GLDC: variants seen among roughly 807,000 people sequenced by gnomAD.
GLDC encodes the protein glycine dehydrogenase (decarboxylating), mitochondrial.
GLDC carries 104 observed loss-of-function variants against 121.3 expected under a neutral mutation model. The ratio of observed to expected loss-of-function variants is 0.86; its 90% CI spans 0.73 to 1.01. GLDC has a LOEUF of 1.01. Ranked by LOEUF, GLDC falls within the 50% of genes least tolerant of loss-of-function variation. The pLI is 0.00. For missense variants in GLDC, 1,429 were observed against 1,306.6 expected, an observed-to-expected ratio of 1.09 and a Z score of -1.44; for synonymous variants, 546 against 480.6, an observed-to-expected ratio of 1.14 and a Z score of -1.78.
intron 1 of GLDC, 179 bp from the exon 2 acceptor site, chr9:6,644,871 T>A: frequency 1.5e-6 from 1 of 649,152 alleles, no homozygotes; most frequent in South Asian, 1.8e-5. Flanking sequence ...AATCGTGAAG[T>A]GGGGTGGAGA....
chr9:6,554,895 G>C, intron 18 of GLDC, 114 bp from the exon 19 acceptor site: 1 of 771,676 alleles, frequency 1.3e-6, no homozygotes, highest in Admixed American at 2.0e-5. Flanking sequence ...AGCAGGCAGA[G>C]CCACATCCAT....
intron 22 of GLDC, among the ~76,000 whole-genome samples, chr9:6,536,567 T>C (rs1817134105): frequency 6.6e-6 from 1 of 152,168 alleles, no homozygotes; most frequent in Non-Finnish European, 1.5e-5. Context: ...TGATATCCCA[T>C]TTCTATATAT....
intron 3 of GLDC, among the ~76,000 whole-genome samples, chr9:6,611,332 C>G (rs761422079): frequency 3.6e-4 from 55 of 152,262 alleles, no homozygotes; most frequent in Non-Finnish European, 6.3e-4. Flanking sequence ...TCAAGGCGGG[C>G]GGATCACGAG....
At chr9:6,564,417 G>C (rs1433872609) in intron 16 of GLDC, among the ~76,000 whole-genome samples, 1 of 152,084 alleles carries the variant, frequency 6.6e-6, no homozygotes, top group South Asian at 2.1e-4. Context: ...CAAATTCCAG[G>C]CAACTAGCCA....
intron 2 of GLDC, among the ~76,000 whole-genome samples, chr9:6,621,197 A>G (rs1819085834): frequency 6.6e-6 from 1 of 151,926 alleles, no homozygotes; most frequent in Admixed American, 6.6e-5. Flanking sequence ...AAAAAAACAC[A>G]CCCTTATGCA....
intron 15 of GLDC, among the ~76,000 whole-genome samples, chr9:6,570,904 T>C (rs1002595172): frequency 6.6e-6 from 1 of 150,388 alleles, no homozygotes; most frequent in African/African-American, 2.4e-5. Flanking sequence ...AAAAAAAATA[T>C]TTTATTACAT....
At chr9:6,602,467 T>C (rs1818635955) in intron 7 of GLDC, among the ~76,000 whole-genome samples, 1 of 151,830 alleles carries the variant, frequency 6.6e-6, no homozygotes, top group South Asian at 2.1e-4. Flanking sequence ...ACCTCTGCCT[T>C]CTGGTTTCAA....
intron 2 of GLDC, among the ~76,000 whole-genome samples, chr9:6,621,600 C>T (rs149453350): frequency 0.014 from 2,165 of 152,294 alleles, 56 homozygotes; most frequent in African/African-American, 0.048. Context: ...TCACTGCAAC[C>T]TCCACCTCCC....
chr9:6,627,674 A>G lies in GLDC; in HGVS notation c.335-7355T>C, dbSNP rs537234258. Among the ~76,000 whole-genome samples the G allele has an allele frequency of 5.3e-5, 8 of 152,322 alleles. No individual in the cohort carries two copies. The East Asian group carries it at 1.4e-3, about 26-fold the overall frequency. On this transcript the variant is annotated intron_variant, in intron 2 of 24. Transcript: ENST00000321612. Reference sequence around the variant, plus strand: ...CTTTCCATTCACTCATCCATTGCCCAACACTACAAAACTTCCCAACAAAAA... The same window carrying G: ...CTTTCCATTCACTCATCCATTGCCCGACACTACAAAACTTCCCAACAAAAA...
At chr9:6,533,620 A>AG (rs1449011080) in intron 24 of GLDC, among the ~76,000 whole-genome samples, 5 of 152,104 alleles carry the variant, frequency 3.3e-5, no homozygotes, top group African/African-American at 1.2e-4. Context: ...GAACTTTGGG[A>AG]GGCCAAGGCA....
At chr9:6,605,586 TAAC>T (rs1259338651) in intron 5 of GLDC, among the ~76,000 whole-genome samples, 2 of 152,180 alleles carry the variant, frequency 1.3e-5, no homozygotes, top group Non-Finnish European at 2.9e-5. Flanking sequence ...CAATATTTGT[TAAC>T]AACAGAGCCA....
In GLDC at chr9:6,645,266, C is replaced by G. The variant is rs1282813808; in HGVS notation, c.234G>C (p.Met78Ile). 1.1e-5 allele frequency: 18 copies of G among 1,601,932 alleles called. No homozygotes were observed. Among genetic ancestry groups the G allele is most frequent in the Non-Finnish European group, 1.5e-5 (18 of 1,174,318 alleles). Residue 78 changes from methionine (M) to isoleucine (I), a missense_variant, in exon 1 of 25, where the codon ATG becomes ATC. Met to Ile is a conservative substitution (Grantham distance 10). Coordinates refer to ENST00000321612, the MANE Select transcript of GLDC (RefSeq NM_000170.3). ...IGPGDKDQRE[M>I]LQTLGLASID... is the part of the protein sequence containing the mutation. ...TTACCGCCAGCCCCAAGGTCTGCAGCATCTCTCTCTGGTCTTTGTCCCCAG... is the reference window on the plus strand; with the variant it reads ...TTACCGCCAGCCCCAAGGTCTGCAGGATCTCTCTCTGGTCTTTGTCCCCAG...
At chr9:6,609,059 T>C (rs529761395) in intron 4 of GLDC, among the ~76,000 whole-genome samples, 2 of 152,256 alleles carry the variant, frequency 1.3e-5, no homozygotes, top group Admixed American at 6.5e-5. Flanking sequence ...TACATGGGCA[T>C]TCAGGGCTAG....
chr9:6,587,029 C>G (rs1587946100), intron 15 of GLDC, 112 bp downstream of exon 15: 2 of 872,954 alleles, frequency 2.3e-6, no homozygotes, highest in East Asian at 4.9e-5. Context: ...GTGGAACTGT[C>G]TAGCAAGTCA....
intron 8 of GLDC, among the ~76,000 whole-genome samples, chr9:6,599,291 C>T (rs1818551934): frequency 6.6e-6 from 1 of 152,014 alleles, no homozygotes; most frequent in Non-Finnish European, 1.5e-5. Context: ...CCTAAATGGA[C>T]TTATGATCAG....
rs143492366 is a variant in GLDC at position 6,610,756 on chromosome 9, C to T, written c.471-400G>A. Among the ~76,000 whole-genome samples, 679 of 152,272 alleles carry T rather than the reference C, an allele frequency of 4.5e-3. 1 individual carries two copies. Among genetic ancestry groups the T allele is most frequent in the Middle Eastern group, 0.014 (4 of 294 alleles). On this transcript the variant is annotated intron_variant, in intron 3 of 24. Coordinates refer to ENST00000321612, the MANE Select transcript of GLDC (RefSeq NM_000170.3). ...CTGGGACAACAAGCACATGCCATCA[C>T]GCTCAGCTAATTTTTGTATTCTTTG...
intron 20 of GLDC, among the ~76,000 whole-genome samples, chr9:6,552,285 A>C (rs1817532715): frequency 6.6e-6 from 1 of 152,184 alleles, no homozygotes; most frequent in African/African-American, 2.4e-5. Context: ...GCATGTAGCC[A>C]AACCAACCTT....
chr9:6,578,487 G>A (rs990596390), intron 15 of GLDC, among the ~76,000 whole-genome samples: 2 of 152,048 alleles, frequency 1.3e-5, no homozygotes, highest in African/African-American at 2.4e-5. Flanking sequence ...GCTACAGCCC[G>A]TGATGTTTGA....
intron 16 of GLDC, among the ~76,000 whole-genome samples, chr9:6,559,493 C>T (rs887048390): frequency 3.3e-5 from 4 of 120,036 alleles, no homozygotes; most frequent in South Asian, 2.7e-4. Flanking sequence ...CCAGCCTGGG[C>T]GACAAGAGTG....
Sources: gnomAD v4.1 joint callset for allele counts (sites outside exome capture counted in the v4.1 genomes callset) on GRCh38, gnomAD v4.1.1 for gene constraint, MANE v1.5 for transcripts, NCBI Gene and HGNC (gene_info 2026-07-23, HGNC 2026-07-21) for gene names.